SEPTIN9: variants seen among roughly 807,000 people sequenced by gnomAD.
SEPTIN9 encodes the protein septin-9.
In SEPTIN9, 13 loss-of-function variants were observed where a neutral mutation model predicts 56.6. That is an observed-to-expected ratio of 0.23 (90% CI 0.15 to 0.37). The LOEUF (loss-of-function observed/expected upper bound fraction) is 0.37, where lower values mean the gene tolerates loss of function less well. Ranked by LOEUF, SEPTIN9 falls within the 10% of genes least tolerant of loss-of-function variation. The probability of loss-of-function intolerance (pLI) is 1.00; values close to 1 mark genes in which losing one functional copy is unlikely to be tolerated. For missense variants in SEPTIN9, 650 were observed against 823.1 expected (o/e 0.79, Z 2.57); for synonymous variants, 332 against 334.1 (o/e 0.99, Z 0.07).
intron 2 of SEPTIN9, among the ~76,000 whole-genome samples, chr17:77,308,032 C>G (rs1360980021): frequency 6.6e-6 from 1 of 152,210 alleles, no homozygotes. Flanking sequence ...AGCGGCCAGG[C>G]TGGGACAGGT....
chr17:77,302,524 A>G (rs1389935601), intron 1 of SEPTIN9, among the ~76,000 whole-genome samples: 1 of 150,982 alleles, frequency 6.6e-6, no homozygotes, highest in Non-Finnish European at 1.5e-5. Context: ...CTAAAAATAC[A>G]AAAATTAGCC....
chr17:77,308,909 G>A (rs909520618), intron 2 of SEPTIN9, among the ~76,000 whole-genome samples: 1 of 152,266 alleles, frequency 6.6e-6, no homozygotes, highest in African/African-American at 2.4e-5. Context: ...GACTGTATGT[G>A]GGAAGAGGGG....
Position 77,475,177 on chromosome 17 carries a change from G to T in SEPTIN9, c.722-6967G>T. On this transcript the variant is annotated intron_variant, in intron 3 of 11. Transcript: ENST00000427177. The surrounding 1 kb of genome is among the most constrained non-coding windows in gnomAD (Gnocchi z 4.6). Reference sequence around the variant, plus strand: ...GGCTGGGGTGAGCGTGATGGATGAGGTGTCTGGCTTCACAAACCCTGTGTG... The same window carrying T: ...GGCTGGGGTGAGCGTGATGGATGAGTTGTCTGGCTTCACAAACCCTGTGTG... The T allele has an allele frequency of 8.6e-7, 1 of 1,159,754 alleles. No individual in the cohort carries two copies. The highest frequency in any genetic ancestry group is 1.1e-6 in the Non-Finnish European group (1 of 930,088). 71.8% of individuals were successfully genotyped at this position (1,159,754 alleles called of 1,614,324 possible).
chr17:77,402,636 G>C lies in SEPTIN9; in HGVS notation c.654G>C (p.Gln218His). The change falls in exon 3 of 12, where the codon CAG becomes CAC. Residue 218 changes from glutamine (Q) to histidine (H), a missense_variant. Physicochemically the swap from Gln to His is conservative, Grantham distance 24. This residue lies in a region of SEPTIN9 where 317 missense variants were observed against 329.1 expected (regional missense o/e 0.96). Transcript: ENST00000427177. This position sits in a 1 kb window ranked among gnomAD's most constrained non-coding sequence, Gnocchi z 6.6. ...LENSEPAPVS[Q>H]LQSRLEPKPQ... ...ATTCAGAGCCTGCCCCTGTGTCTCA[G>C]CTGCAGAGCAGGCTGGAGCCCAAGC... 6.2e-7 allele frequency: 1 copy of C among 1,613,166 alleles called. No homozygotes were observed. The highest frequency in any genetic ancestry group is 8.5e-7 in the Non-Finnish European group (1 of 1,179,732).
chr17:77,431,460 G>A (rs561262991), intron 3 of SEPTIN9, among the ~76,000 whole-genome samples: 2 of 152,256 alleles, frequency 1.3e-5, no homozygotes, highest in African/African-American at 2.4e-5. Context: ...ACATGTTCAC[G>A]TTTCCTTCTA....
chr17:77,488,166 G>A (rs2039875034), intron 5 of SEPTIN9, 74 bp from the exon 6 acceptor site: 4 of 1,420,574 alleles, frequency 2.8e-6, no homozygotes, highest in Middle Eastern at 1.8e-4. Context: ...GGTTGCCCCG[G>A]GGTCAGTCAG....
intron 3 of SEPTIN9, among the ~76,000 whole-genome samples, chr17:77,442,433 G>A (rs901667233): frequency 6.8e-5 from 10 of 146,662 alleles, no homozygotes; most frequent in Admixed American, 2.1e-4. Flanking sequence ...TCCTGACCTC[G>A]TGATCTGCCT....
chr17:77,349,701 C>T (rs1404778813), intron 2 of SEPTIN9, among the ~76,000 whole-genome samples: 1 of 151,882 alleles, frequency 6.6e-6, no homozygotes, highest in African/African-American at 2.4e-5. Flanking sequence ...CAGGTGTAGA[C>T]TCTACTCCAG....
chr17:77,457,321 C>T (rs2038250613), intron 3 of SEPTIN9, among the ~76,000 whole-genome samples: 1 of 152,184 alleles, frequency 6.6e-6, no homozygotes, highest in Non-Finnish European at 1.5e-5. Flanking sequence ...AGCATCACTG[C>T]ATGGACCATG....
chr17:77,289,600 G>T (rs1209353007), intron 1 of SEPTIN9, among the ~76,000 whole-genome samples: 3 of 151,312 alleles, frequency 2.0e-5, no homozygotes, highest in Non-Finnish European at 4.4e-5. Context: ...TACAGACGGG[G>T]TGTCCCCATG....
chr17:77,491,421 C>A (rs2040022390), intron 8 of SEPTIN9, among the ~76,000 whole-genome samples: 1 of 151,914 alleles, frequency 6.6e-6, no homozygotes, highest in African/African-American at 2.4e-5. Context: ...TGGTCTCTAA[C>A]CCTTGGGCTC....
intron 3 of SEPTIN9, among the ~76,000 whole-genome samples, chr17:77,406,468 G>T (rs1395093941): frequency 6.6e-6 from 1 of 151,136 alleles, no homozygotes; most frequent in Non-Finnish European, 1.5e-5. Context: ...AAATGTGAAA[G>T]TAGTTTTTCA....
intron 1 of SEPTIN9, among the ~76,000 whole-genome samples, chr17:77,302,630 T>C (rs572162560): frequency 2.6e-5 from 4 of 152,028 alleles, no homozygotes; most frequent in Non-Finnish European, 5.9e-5. Flanking sequence ...GTGAGCCAAG[T>C]TGGTGCCACT....
intron 2 of SEPTIN9, among the ~76,000 whole-genome samples, chr17:77,394,107 C>T (rs1417768258): frequency 6.6e-6 from 1 of 152,186 alleles, no homozygotes; most frequent in Non-Finnish European, 1.5e-5. Flanking sequence ...CCTCGTCCCC[C>T]AAGTCCTGGA....
At chr17:77,288,859 A>G (rs1307886043) in intron 1 of SEPTIN9, among the ~76,000 whole-genome samples, 2 of 152,154 alleles carry the variant, frequency 1.3e-5, no homozygotes, top group Non-Finnish European at 2.9e-5. Context: ...AGGCACCGGT[A>G]GTGGAAGAGC....
intron 2 of SEPTIN9, among the ~76,000 whole-genome samples, chr17:77,385,258 G>A (rs2035295727): frequency 6.6e-6 from 1 of 150,746 alleles, no homozygotes; most frequent in African/African-American, 2.4e-5. Flanking sequence ...TGCCTCCCAG[G>A]TTCAGGTGAT....
chr17:77,461,638 A>AAAAACATT, intron 3 of SEPTIN9, among the ~76,000 whole-genome samples: 1 of 152,374 alleles, frequency 6.6e-6, no homozygotes, highest in Non-Finnish European at 1.5e-5. Context: ...TAAAATCTAC[A>AAAAACATT]GTTCAATGGT....
intron 2 of SEPTIN9, among the ~76,000 whole-genome samples, chr17:77,325,870 C>T (rs973790001): frequency 6.6e-6 from 1 of 152,210 alleles, no homozygotes; most frequent in Non-Finnish European, 1.5e-5. Flanking sequence ...CCCCTCCCAC[C>T]CACCACATGG....
Position 77,487,300 on chromosome 17 carries a change from G to C in SEPTIN9, c.914-124G>C. On this transcript the variant is annotated intron_variant, in intron 4 of 11. Transcript: ENST00000427177. The surrounding 1 kb of genome is among the most constrained non-coding windows in gnomAD (Gnocchi z 4.3). ...CTGCTTGGCAGGGATATTGCCGGGA[G>C]GTAGCCCAGGCACTGCTGAATCTCA... The C allele has an allele frequency of 1.9e-6, 2 of 1,066,874 alleles. No individual in the cohort carries two copies. The highest frequency in any genetic ancestry group is 2.8e-6 in the Non-Finnish European group (2 of 714,364). The allele number at this position is 1,066,874 out of a possible 1,614,324, so 66.1% of individuals were successfully genotyped here.
Sources: gnomAD v4.1 joint callset for allele counts (sites outside exome capture counted in the v4.1 genomes callset) on GRCh38, gnomAD v4.1.1 for gene constraint, gnomAD v4.1.1 regional missense constraint, Gnocchi (gnomAD v3.1) non-coding constraint, MANE v1.5 for transcripts, NCBI Gene and HGNC (gene_info 2026-07-23, HGNC 2026-07-21) for gene names.